The following PLPP3 variants were observed in gnomAD, a reference collection of about 807,000 sequenced individuals.
The protein encoded by PLPP3 is phospholipid phosphatase 3.
A neutral mutation model predicts 29.6 loss-of-function variants in PLPP3; 6 were observed. The observed-to-expected ratio is 0.20, with a 90% CI of 0.11 to 0.40. The LOEUF is 0.40. Ranked by LOEUF, PLPP3 falls within the 10% of genes least tolerant of loss-of-function variation. The probability of loss-of-function intolerance (pLI) is 1.00; values close to 1 mark genes in which losing one functional copy is unlikely to be tolerated. For missense variants in PLPP3, 308 were observed against 407.7 expected (o/e 0.76, Z 2.11); for synonymous variants, 152 against 159.7 (o/e 0.95, Z 0.36).
At chr1:56,570,770 CA>C (rs1393791054) in intron 1 of PLPP3, among the ~76,000 whole-genome samples, 2 of 152,022 alleles carry the variant, frequency 1.3e-5, no homozygotes, top group Admixed American at 6.6e-5. Context: ...TAATAAAAAG[CA>C]AAAACTTTGA....
intron 1 of PLPP3, among the ~76,000 whole-genome samples, chr1:56,542,655 C>T (rs183096752): frequency 1.1e-4 from 16 of 152,136 alleles, no homozygotes; most frequent in Admixed American, 3.9e-4. Context: ...CACATCTATC[C>T]ACAAAATAAT....
chr1:56,533,044 A>G (rs1172074217), intron 2 of PLPP3, among the ~76,000 whole-genome samples: 1 of 149,756 alleles, frequency 6.7e-6, no homozygotes, highest in African/African-American at 2.4e-5. Context: ...CCAGCAACCT[A>G]TTATGTAGCT....
intron 1 of PLPP3, among the ~76,000 whole-genome samples, chr1:56,565,717 G>T (rs1646157222): frequency 6.6e-6 from 1 of 152,112 alleles, no homozygotes; most frequent in African/African-American, 2.4e-5. Context: ...CACTGCGCCT[G>T]GCCTAAAGCC....
At chr1:56,561,642 T>A (rs944756754) in intron 1 of PLPP3, among the ~76,000 whole-genome samples, 1 of 152,056 alleles carries the variant, frequency 6.6e-6, no homozygotes, top group Admixed American at 6.5e-5. Context: ...TCAATGAAAA[T>A]TTTTCAGCAC....
intron 4 of PLPP3, among the ~76,000 whole-genome samples, chr1:56,517,811 T>G (rs1645791679): frequency 6.6e-6 from 1 of 152,196 alleles, no homozygotes; most frequent in Non-Finnish European, 1.5e-5. Flanking sequence ...ACTCCTCTAA[T>G]TCACCTGCAC....
intron 5 of PLPP3, among the ~76,000 whole-genome samples, chr1:56,505,671 C>A (rs1357967973): frequency 6.6e-6 from 1 of 152,076 alleles, no homozygotes; most frequent in Non-Finnish European, 1.5e-5. Flanking sequence ...ATTTTCTTTT[C>A]TCTAGCTTAC....
chr1:56,568,070 T>C (rs1304457900), intron 1 of PLPP3, among the ~76,000 whole-genome samples: 1 of 152,152 alleles, frequency 6.6e-6, no homozygotes, highest in African/African-American at 2.4e-5. Flanking sequence ...TATACTTACA[T>C]GAAATATTCA....
At chr1:56,569,494 G>T (rs1410511454) in intron 1 of PLPP3, among the ~76,000 whole-genome samples, 1 of 152,134 alleles carries the variant, frequency 6.6e-6, no homozygotes, top group African/African-American at 2.4e-5. Context: ...TTCTAAAATG[G>T]TGCAGCCACT....
At chr1:56,550,592 A>G (rs2100282211) in intron 1 of PLPP3, among the ~76,000 whole-genome samples, 1 of 152,228 alleles carries the variant, frequency 6.6e-6, no homozygotes, top group African/African-American at 2.4e-5. Flanking sequence ...GGGGAGGAAG[A>G]GGGTTGCGAA....
chr1:56,556,066 T>C (rs1325835518), intron 1 of PLPP3, among the ~76,000 whole-genome samples: 2 of 152,212 alleles, frequency 1.3e-5, no homozygotes, highest in Non-Finnish European at 2.9e-5. Context: ...CAAATCAAAC[T>C]ACTTGGCTTG....
At chr1:56,556,317 A>C (rs535483419) in intron 1 of PLPP3, among the ~76,000 whole-genome samples, 1 of 152,320 alleles carries the variant, frequency 6.6e-6, no homozygotes, top group South Asian at 2.1e-4. Context: ...TAGAGAGGTG[A>C]GATTACACAA....
intron 1 of PLPP3, among the ~76,000 whole-genome samples, chr1:56,576,657 C>A (rs1325928693): frequency 6.6e-6 from 1 of 152,124 alleles, no homozygotes; most frequent in Non-Finnish European, 1.5e-5. Flanking sequence ...AATACATGGT[C>A]CTGACGCCTT....
intron 4 of PLPP3, among the ~76,000 whole-genome samples, chr1:56,523,248 C>G (rs560407439): frequency 2.0e-5 from 3 of 152,262 alleles, no homozygotes; most frequent in African/African-American, 7.2e-5. Context: ...AAAGCCCTTC[C>G]ATCCGTAGAA....
chr1:56,512,327 C>G (rs1167259920), intron 4 of PLPP3, 175 bp from the exon 5 acceptor site: 5 of 604,718 alleles, frequency 8.3e-6, no homozygotes, highest in Non-Finnish European at 1.3e-5. Flanking sequence ...AAATGCTGAG[C>G]CTGGCTAGGC....
At chr1:56,513,585 T>C (rs1484112560) in intron 4 of PLPP3, 1 of 152,234 alleles carries the variant, frequency 6.6e-6, no homozygotes, top group East Asian at 1.9e-4. Flanking sequence ...GAATCATTCT[T>C]AGCCATAAGT....
rs1442965327 is a variant in PLPP3 at position 56,522,406 on chromosome 1, A to ATT, written c.633+1416_633+1417insAA. On this transcript the variant is annotated intron_variant, in intron 4 of 5. Transcript: ENST00000371250. ...CCAGTTCCTCTAAGCACTTTTATAA[A>ATT]ACATCGAAATTACATTTTTAAAATT... Among the ~76,000 whole-genome samples, 150 of 152,358 alleles carry ATT rather than the reference A, an allele frequency of 9.8e-4. 2 individuals carry two copies. In the South Asian group the frequency reaches 0.019, roughly 19 times the overall value.
Position 56,535,556 on chromosome 1 carries a change from A to T in PLPP3, c.297+1399T>A, listed in dbSNP as rs150290552. ...GGTCAGGAAGCATTGTAATTAAAAT[A>T]TCAACATAACACAAGGAAAGGGGCA... On this transcript the variant is annotated intron_variant, in intron 2 of 5. Transcript: ENST00000371250. Among the ~76,000 whole-genome samples, 505 of 152,290 alleles carry T rather than the reference A, an allele frequency of 3.3e-3. 1 individual carries two copies. The highest frequency in any genetic ancestry group is 0.012 in the African/African-American group (483 of 41,564).
chr1:56,503,082 C>T (rs1399240796), intron 5 of PLPP3, among the ~76,000 whole-genome samples: 3 of 151,636 alleles, frequency 2.0e-5, no homozygotes, highest in East Asian at 1.9e-4. Context: ...CTTTGGCAGC[C>T]GTTTTTTTTT....
intron 5 of PLPP3, among the ~76,000 whole-genome samples, chr1:56,498,497 C>A (rs754279608): frequency 1.3e-5 from 2 of 152,154 alleles, no homozygotes; most frequent in Non-Finnish European, 2.9e-5. Flanking sequence ...GGCCTTACTT[C>A]TTTTTGTACT....
Sources: allele counts gnomAD v4.1 joint callset (sites outside exome capture counted in the v4.1 genomes callset), GRCh38; gene constraint gnomAD v4.1.1; transcripts MANE v1.5; gene names NCBI Gene and HGNC (gene_info 2026-07-23, HGNC 2026-07-21).